The following DOCK9 variants were observed in gnomAD, a reference collection of about 807,000 sequenced individuals.
DOCK9 encodes the protein dedicator of cytokinesis protein 9.
A neutral mutation model predicts 263.3 loss-of-function variants in DOCK9; 89 were observed. The ratio of observed to expected loss-of-function variants is 0.34; its 90% CI spans 0.28 to 0.40. DOCK9 has a LOEUF of 0.40. Ranked by LOEUF, DOCK9 falls within the 10% of genes least tolerant of loss-of-function variation. DOCK9 has a pLI of 1.00. For missense variants in DOCK9, 2,140 were observed against 2,603.4 expected, an observed-to-expected ratio of 0.82 and a Z score of 3.87; for synonymous variants, 976 against 973.1, an observed-to-expected ratio of 1.00 and a Z score of -0.06.
chr13:98,807,760 G>T lies in DOCK9; in HGVS notation c.5415C>A (p.Pro1805=). 1 of 1,613,396 alleles carries T rather than the reference G, an allele frequency of 6.2e-7. No individual in the cohort carries two copies. The highest frequency in any genetic ancestry group is 8.5e-7 in the Non-Finnish European group (1 of 1,179,508). The change falls in exon 48 of 53, where the codon CCC becomes CCA. Residue 1805 remains proline (P), a synonymous_variant. Transcript: ENST00000682017. ...AAATTTCCGACAGCGGTGTGAGTTT[G>T]GGTTCCTTGTAAATATACTCCTTTC... The part of the protein sequence containing the change: ...EDGKEYIYKE[P]KLTPLSEISQ...
chr13:98,845,909 T>A lies in DOCK9; in HGVS notation c.4198+15A>T, dbSNP rs1394827165. The A allele has an allele frequency of 2.5e-6, 4 of 1,612,540 alleles. No homozygotes were observed. The South Asian group carries it at 4.4e-5, about 18-fold the overall frequency. On this transcript the variant is annotated intron_variant, in intron 38 of 52. Coordinates refer to ENST00000682017, the MANE Select transcript of DOCK9 (RefSeq NM_001366683.2). Reference sequence around the variant, plus strand: ...GAGATGGCTGGCTGTTACGATGGCATGTCATGGGACTTACTGTGGTTAAAA... The same window carrying A: ...GAGATGGCTGGCTGTTACGATGGCAAGTCATGGGACTTACTGTGGTTAAAA...
At chr13:98,955,157 C>G (rs1039981628) in intron 2 of DOCK9, among the ~76,000 whole-genome samples, 1 of 151,904 alleles carries the variant, frequency 6.6e-6, no homozygotes, top group African/African-American at 2.4e-5. Context: ...GTCTCTAATA[C>G]AAAGACAAAA....
intron 38 of DOCK9, 64 bp downstream of exon 38, chr13:98,845,860 G>T (rs2093373562): frequency 6.3e-7 from 1 of 1,584,438 alleles, no homozygotes; most frequent in Non-Finnish European, 8.6e-7. Context: ...GTGGCCTAGG[G>T]CTCTCCCCTC....
At chr13:98,997,525 A>G (rs912351362) in intron 1 of DOCK9, among the ~76,000 whole-genome samples, 4 of 152,204 alleles carry the variant, frequency 2.6e-5, no homozygotes, top group Admixed American at 6.5e-5. Flanking sequence ...CCACATGTGA[A>G]AGAAGAGCAG....
intron 1 of DOCK9, among the ~76,000 whole-genome samples, chr13:99,065,074 C>G (rs964231552): frequency 6.6e-6 from 1 of 152,148 alleles, no homozygotes; most frequent in Non-Finnish European, 1.5e-5. Context: ...CAGTCACGCA[C>G]GGCTGAAACC....
intron 47 of DOCK9, chr13:98,808,632 G>A (rs1432044081): frequency 6.3e-7 from 1 of 1,575,078 alleles, no homozygotes; most frequent in Admixed American, 1.7e-5. Context: ...GGCATTTACT[G>A]TAATTACCTC....
chr13:98,844,290 G>A (rs978116905), intron 38 of DOCK9, among the ~76,000 whole-genome samples: 9 of 152,150 alleles, frequency 5.9e-5, no homozygotes, highest in South Asian at 2.1e-4. Flanking sequence ...TACCAACTCC[G>A]TGTGGCAGAC....
intron 1 of DOCK9, among the ~76,000 whole-genome samples, chr13:99,018,062 AC>A (rs1885642728): frequency 6.6e-6 from 1 of 152,242 alleles, no homozygotes; most frequent in South Asian, 2.1e-4. Context: ...TTTTAAAAAA[AC>A]AATAAGAGAG....
At chr13:98,998,330 T>C (rs1479344472) in intron 1 of DOCK9, among the ~76,000 whole-genome samples, 1 of 152,178 alleles carries the variant, frequency 6.6e-6, no homozygotes, top group Non-Finnish European at 1.5e-5. Context: ...ATGCAAACTC[T>C]GCTCACCCTC....
chr13:98,834,167 G>A (rs1310607305), intron 39 of DOCK9, among the ~76,000 whole-genome samples: 3 of 152,178 alleles, frequency 2.0e-5, no homozygotes, highest in East Asian at 1.9e-4. Flanking sequence ...TCCAAGAGAT[G>A]AGCCTTTCAG....
rs371730777 is a variant in DOCK9 at position 98,890,048 on chromosome 13, G to T, written c.1710-1337C>A. On this transcript the variant is annotated intron_variant, in intron 15 of 52. Transcript: ENST00000682017. The stretch of plus-strand genomic sequence containing the variant: ...AATTATATTTTTGGACCTCAGAAGA[G>T]AATTTAATTTTTGTCTTGCTGAAAT... Among the ~76,000 whole-genome samples the T allele has an allele frequency of 3.3e-5, 5 of 152,194 alleles. 1 individual carries two copies. Among genetic ancestry groups the T allele is most frequent in the African/African-American group, 1.2e-4 (5 of 41,500 alleles).
At chr13:98,873,972 C>G (rs1212908579) in intron 27 of DOCK9, among the ~76,000 whole-genome samples, 2 of 152,190 alleles carry the variant, frequency 1.3e-5, no homozygotes, top group African/African-American at 2.4e-5. Flanking sequence ...TTTCTTCCCC[C>G]ACTCAAGTCT....
chr13:99,024,234 C>T (rs1178557314), intron 1 of DOCK9, among the ~76,000 whole-genome samples: 2 of 152,130 alleles, frequency 1.3e-5, no homozygotes, highest in Admixed American at 6.6e-5. Context: ...ATCACATGAG[C>T]GCAGGAAGCA....
At chr13:98,849,917 G>T in intron 36 of DOCK9, 130 bp downstream of exon 36, 1 of 663,510 alleles carries the variant, frequency 1.5e-6, no homozygotes, top group Non-Finnish European at 2.6e-6. Context: ...AAGACCATGA[G>T]AAAGGGCTTA....
chr13:98,860,471 G>A lies in DOCK9; in HGVS notation c.3631C>T (p.Pro1211Ser), dbSNP rs1185450545. 2 of 1,587,948 alleles carry A rather than the reference G, an allele frequency of 1.3e-6. No homozygotes were observed. Among genetic ancestry groups the A allele is most frequent in the East Asian group, 4.6e-5 (2 of 43,862 alleles). ...ALPAVNPLVT[P>S]QKGSTLDNSL... ...TTGTCCAGGGTGCTTCCCTTCTGCG[G>A]CGTCACCAGCGGATTCACAGCTGGT... The change falls in exon 33 of 53, where the codon CCG (proline) becomes TCG (serine). Residue 1211 changes from proline to serine, a missense_variant. Around this residue, in one of 2 missense-constraint regions of DOCK9, gnomAD observed 1,521 missense variants for 1,741.7 expected, o/e 0.87. Coordinates refer to ENST00000682017, the MANE Select transcript of DOCK9 (RefSeq NM_001366683.2).
chr13:98,994,623 TATA>T (rs1880589373), intron 1 of DOCK9, among the ~76,000 whole-genome samples: 1 of 152,128 alleles, frequency 6.6e-6, no homozygotes, highest in African/African-American at 2.4e-5. Flanking sequence ...GTTACTCATA[TATA>T]ATCAGATATG....
At chr13:98,947,819 T>C (rs547105339) in intron 2 of DOCK9, among the ~76,000 whole-genome samples, 1 of 152,274 alleles carries the variant, frequency 6.6e-6, no homozygotes, top group East Asian at 1.9e-4. Context: ...AAATATAATT[T>C]ATCCAGATTT....
Position 98,977,923 on chromosome 13 carries a change from C to T in DOCK9, c.-14G>A, listed in dbSNP as rs1045940583. The T allele has an allele frequency of 5.1e-6, 8 of 1,569,992 alleles. No homozygotes were observed. The highest frequency in any genetic ancestry group is 4.0e-5 in the African/African-American group (3 of 74,214). ...ATCAGCCTGCATTCTCGGCTGAAAA[C>T]GCAAGTCAGAAAGTCTGCAACTGGA... On this transcript the variant is annotated 5_prime_UTR_variant, in exon 1 of 53. Transcript: ENST00000682017.
chr13:99,037,354 T>C (rs1887999685), intron 1 of DOCK9, among the ~76,000 whole-genome samples: 1 of 151,836 alleles, frequency 6.6e-6, no homozygotes, highest in African/African-American at 2.4e-5. Flanking sequence ...CAGAAAGCAA[T>C]ACATTAAAGA....
Sources: allele counts gnomAD v4.1 joint callset (sites outside exome capture counted in the v4.1 genomes callset), GRCh38; gene constraint gnomAD v4.1.1; regional missense constraint gnomAD v4.1.1; transcripts MANE v1.5; gene names NCBI Gene and HGNC (gene_info 2026-07-23, HGNC 2026-07-21).